CDH13: variants seen among roughly 807,000 people sequenced by gnomAD.
CDH13 encodes cadherin 13.
In CDH13, 24 loss-of-function variants were observed where a neutral mutation model predicts 63.8. The ratio of observed to expected loss-of-function variants is 0.38; its 90% CI spans 0.27 to 0.53. The LOEUF is 0.53. CDH13 is among the 20% of genes least tolerant of loss of function. The pLI is 0.85. For synonymous variants in CDH13, 503 were observed against 355.3 expected, an observed-to-expected ratio of 1.42 and a Z score of -4.67; for missense variants, 1,049 against 903.1, an observed-to-expected ratio of 1.16 and a Z score of -2.07.
intron 1 of CDH13, among the ~76,000 whole-genome samples, chr16:82,660,102 G>A (rs1002234758): frequency 2.0e-5 from 3 of 152,160 alleles, no homozygotes; most frequent in Admixed American, 2.0e-4. Flanking sequence ...AAGTAATACT[G>A]CATTTATTCT....
chr16:83,156,433 C>T (rs1309098229), intron 4 of CDH13, among the ~76,000 whole-genome samples: 2 of 152,156 alleles, frequency 1.3e-5, no homozygotes, highest in African/African-American at 4.8e-5. Flanking sequence ...CTCTAAGATA[C>T]ACACCCCATC....
At chr16:82,810,934 A>G (rs2037409784) in intron 1 of CDH13, among the ~76,000 whole-genome samples, 1 of 152,098 alleles carries the variant, frequency 6.6e-6, no homozygotes, top group South Asian at 2.1e-4. Flanking sequence ...TAGTTGGAGA[A>G]CAGCAATGGT....
chr16:83,303,151 T>C (rs1357657417), intron 5 of CDH13, among the ~76,000 whole-genome samples: 1 of 152,216 alleles, frequency 6.6e-6, no homozygotes, highest in East Asian at 1.9e-4. Context: ...CTATGTTCTT[T>C]TCAGCATGGG....
chr16:83,779,870 A>G, intron 11 of CDH13, 98 bp from the exon 12 acceptor site: 2 of 800,266 alleles, frequency 2.5e-6, no homozygotes. Flanking sequence ...AAAATAAAAT[A>G]ACTGCAAAAT....
chr16:82,930,490 G>C (rs190607916), intron 2 of CDH13, among the ~76,000 whole-genome samples: 26 of 152,112 alleles, frequency 1.7e-4, no homozygotes, highest in African/African-American at 6.0e-4. Context: ...TAACTTTATG[G>C]TTTGTATACG....
chr16:82,714,198 C>T (rs1027374894), intron 1 of CDH13, among the ~76,000 whole-genome samples: 1 of 152,140 alleles, frequency 6.6e-6, no homozygotes, highest in African/African-American at 2.4e-5. Flanking sequence ...CTCTTTGATG[C>T]CTCTGACTCC....
chr16:82,745,551 C>T (rs1014844925), intron 1 of CDH13, among the ~76,000 whole-genome samples: 1 of 152,040 alleles, frequency 6.6e-6, no homozygotes, highest in Non-Finnish European at 1.5e-5. Context: ...TTGCAGTGAG[C>T]CAAGATCACG....
chr16:83,090,585 A>AAAT (rs1555582891), intron 3 of CDH13, among the ~76,000 whole-genome samples: 140 of 151,704 alleles, frequency 9.2e-4, no homozygotes, highest in Middle Eastern at 6.8e-3. Flanking sequence ...AAAAAAAAAA[A>AAAT]AAAAATAAGT....
intron 5 of CDH13, among the ~76,000 whole-genome samples, chr16:83,231,770 T>C (rs978163602): frequency 1.3e-5 from 2 of 152,128 alleles, no homozygotes; most frequent in Non-Finnish European, 2.9e-5. Flanking sequence ...AACCCTGGTA[T>C]GGGTTGGATG....
intron 10 of CDH13, among the ~76,000 whole-genome samples, chr16:83,709,770 G>A (rs1907723867): frequency 6.6e-6 from 1 of 152,224 alleles, no homozygotes; most frequent in Non-Finnish European, 1.5e-5. Flanking sequence ...GTCATCCTGT[G>A]TAATAGGGTC....
chr16:82,634,492 C>T (rs772928144), intron 1 of CDH13, among the ~76,000 whole-genome samples: 17 of 152,232 alleles, frequency 1.1e-4, no homozygotes, highest in Non-Finnish European at 1.9e-4. Flanking sequence ...AGCCGTCGGG[C>T]ATCTGGGATC....
intron 4 of CDH13, among the ~76,000 whole-genome samples, chr16:83,163,541 C>G (rs1597446454): frequency 6.6e-6 from 1 of 152,256 alleles, no homozygotes; most frequent in East Asian, 1.9e-4. Context: ...TCACCCATGT[C>G]CAGCCCCGTT....
intron 1 of CDH13, among the ~76,000 whole-genome samples, chr16:82,748,728 G>A (rs2034287119): frequency 1.3e-5 from 2 of 152,272 alleles, no homozygotes; most frequent in African/African-American, 4.8e-5. Flanking sequence ...GGTACACGTA[G>A]AAGCCCAAGA....
chr16:83,530,479 A>G (rs956198842), intron 7 of CDH13, among the ~76,000 whole-genome samples: 1 of 152,212 alleles, frequency 6.6e-6, no homozygotes, highest in Non-Finnish European at 1.5e-5. Flanking sequence ...TCCTGAGAGC[A>G]CTGTGGCTCT....
At chr16:83,749,180 A>G (rs919330537) in intron 11 of CDH13, among the ~76,000 whole-genome samples, 1 of 152,202 alleles carries the variant, frequency 6.6e-6, no homozygotes, top group Non-Finnish European at 1.5e-5. Flanking sequence ...TTCAGTTTTG[A>G]GTCCTTCCAT....
intron 8 of CDH13, among the ~76,000 whole-genome samples, chr16:83,666,660 A>G (rs1280456837): frequency 6.6e-6 from 1 of 152,066 alleles, no homozygotes; most frequent in African/African-American, 2.4e-5. Context: ...CTGCAAAGCC[A>G]CCTTTGGCTC....
Position 83,432,306 on chromosome 16 carries a change from C to G in CDH13, c.782-54171C>G, listed in dbSNP as rs150017049. ...GTATCAGTAGCTGCAGTAGCTCCTT[C>G]TAGTGCTGTGCCAGGCACAGAACTC... On this transcript the variant is annotated intron_variant, in intron 6 of 13. Transcript: ENST00000567109. 4.1e-3 allele frequency among the ~76,000 whole-genome samples: 632 copies of G among 152,304 alleles called. 7 individuals carry two copies. Among genetic ancestry groups the G allele is most frequent in the African/African-American group, 0.014 (588 of 41,562 alleles).
intron 1 of CDH13, among the ~76,000 whole-genome samples, chr16:82,748,532 T>TGG (rs879488753): frequency 1.3e-5 from 2 of 152,080 alleles, no homozygotes; most frequent in African/African-American, 2.4e-5. Context: ...GTGGTGGTGG[T>TGG]TGTGGTGGTT....
intron 5 of CDH13, among the ~76,000 whole-genome samples, chr16:83,292,187 T>C (rs1327440893): frequency 2.0e-5 from 3 of 152,222 alleles, no homozygotes; most frequent in Admixed American, 2.0e-4. Flanking sequence ...AGCATGAACA[T>C]AGATATGGGC....
Sources: gnomAD v4.1 joint callset for allele counts (sites outside exome capture counted in the v4.1 genomes callset) on GRCh38, gnomAD v4.1.1 for gene constraint, MANE v1.5 for transcripts, NCBI Gene and HGNC (gene_info 2026-07-23, HGNC 2026-07-21) for gene names.